Variants in AJAP1 observed in about 807,000 individuals in gnomAD.
The protein encoded by AJAP1 is adherens junctions associated protein 1.
A neutral mutation model predicts 35.0 loss-of-function variants in AJAP1; 5 were observed. The observed-to-expected ratio is 0.14, with a 90% CI of 0.07 to 0.30. The LOEUF is 0.30. Among genes scored for constraint, AJAP1 ranks in the 10% least tolerant of loss-of-function variants. The probability of loss-of-function intolerance (pLI) is 1.00; values close to 1 mark genes in which losing one functional copy is unlikely to be tolerated. For synonymous variants in AJAP1, 284 were observed against 249.3 expected (o/e 1.14, Z -1.31); for missense variants, 586 against 571.0 (o/e 1.03, Z -0.27).
chr1:4,688,349 A>G (rs990093276), intron 1 of AJAP1, among the ~76,000 whole-genome samples: 4 of 152,326 alleles, frequency 2.6e-5, no homozygotes, highest in Admixed American at 2.0e-4. Flanking sequence ...GTGAAATGCA[A>G]CCTGTGAGAA....
intron 2 of AJAP1, among the ~76,000 whole-genome samples, chr1:4,726,089 C>T (rs930531722): frequency 2.0e-5 from 3 of 152,134 alleles, no homozygotes; most frequent in Admixed American, 1.3e-4. Context: ...GGAGTCCTTG[C>T]GGGATGGGGG....
At chr1:4,735,088 G>A (rs540718423) in intron 2 of AJAP1, among the ~76,000 whole-genome samples, 7 of 152,326 alleles carry the variant, frequency 4.6e-5, no homozygotes, top group South Asian at 2.1e-4. Flanking sequence ...ATAGAGGGCC[G>A]GGTAGAGGGG....
At chr1:4,772,795 T>C (rs537500791) in intron 4 of AJAP1, among the ~76,000 whole-genome samples, 1 of 152,206 alleles carries the variant, frequency 6.6e-6, no homozygotes, top group African/African-American at 2.4e-5. Context: ...ATGCATAGTC[T>C]CCCAGCCCTC....
At chr1:4,735,227 C>T (rs936458889) in intron 2 of AJAP1, among the ~76,000 whole-genome samples, 1 of 152,220 alleles carries the variant, frequency 6.6e-6, no homozygotes, top group Non-Finnish European at 1.5e-5. Context: ...GAAAAGCATA[C>T]TGGGCTGAAG....
intron 2 of AJAP1, among the ~76,000 whole-genome samples, chr1:4,724,344 A>T (rs901979729): frequency 1.2e-4 from 19 of 152,190 alleles, no homozygotes; most frequent in African/African-American, 4.6e-4. Context: ...ACCTAGTCCC[A>T]CCTATGGCCC....
At chr1:4,708,903 A>G (rs1268172179) in intron 1 of AJAP1, among the ~76,000 whole-genome samples, 2 of 152,168 alleles carry the variant, frequency 1.3e-5, no homozygotes, top group East Asian at 3.9e-4. Flanking sequence ...CTCTCTGAAC[A>G]AATCAATCAC....
Position 4,712,175 on chromosome 1 carries a change from A to C in AJAP1, c.305A>C (p.His102Pro). 1 of 1,565,174 alleles carries C rather than the reference A, an allele frequency of 6.4e-7. No individual in the cohort carries two copies. Among genetic ancestry groups the C allele is most frequent in the Non-Finnish European group, 8.6e-7 (1 of 1,161,860 alleles). ...CAGATGCCTCGAGCCAGACGGGCCC[A>C]CAGGCCCCGGGACCAGGCGGCCGCC... is the stretch of plus-strand genomic sequence containing the variant. Reference protein sequence around the residue: ...QMQMPRARRAHRPRDQAAALV... With the variant: ...QMQMPRARRAPRPRDQAAALV... Residue 102 changes from histidine to proline, a missense_variant, in exon 2 of 6, where the codon CAC becomes CCC. By Grantham distance (77) the His-to-Pro change is moderately conservative. Coordinates refer to ENST00000378191, the MANE Select transcript of AJAP1 (RefSeq NM_018836.4).
At position 4,712,680 on chromosome 1, in the gene AJAP1, G is replaced by T. The variant is rs1269341413; in HGVS notation, c.810G>T (p.Arg270Ser). ...ACGGGGAAGTCACCCAGCCCCCAAG[G>T]ATTCTGGGGGAGGCCTCAGGTACAG... ...SNNGEVTQPP[R>S]ILGEASGLAV... The change falls in exon 2 of 6, where the codon AGG (arginine) becomes AGT (serine). Residue 270 changes from arginine (R) to serine (S), a missense_variant. Coordinates refer to ENST00000378191, the MANE Select transcript of AJAP1 (RefSeq NM_018836.4). The T allele has an allele frequency of 2.6e-6, 4 of 1,513,272 alleles. No individual in the cohort carries two copies. In the African/African-American group the frequency reaches 4.2e-5, roughly 16 times the overall value. 93.7% of individuals were successfully genotyped at this position (1,513,272 alleles called of 1,614,324 possible). A position where few individuals can be genotyped will look rare whatever the true frequency, so the allele number is the denominator to read the frequency against.
chr1:4,730,500 A>G (rs1368062055), intron 2 of AJAP1, among the ~76,000 whole-genome samples: 3 of 152,124 alleles, frequency 2.0e-5, no homozygotes, highest in African/African-American at 7.2e-5. Context: ...CAACAACACA[A>G]GCCGCTGCCT....
rs1042461817 is a variant in AJAP1, at chr1:4,791,514, A to C, written c.*9029A>C. 6.6e-6 allele frequency: 1 copy of C among 152,234 alleles called. No homozygotes were observed. Among genetic ancestry groups the C allele is most frequent in the Non-Finnish European group, 1.5e-5 (1 of 68,044 alleles). The allele number at this position is 152,234 out of a possible 1,614,324, so 9.4% of individuals were successfully genotyped here. On this transcript the variant is annotated 3_prime_UTR_variant, in exon 6 of 6. Transcript: ENST00000378191. ...TAGCACCAGGGACAAGTCTGGCTCT[A>C]ATGTATGTTTTATGAAGTCTGATTA...
chr1:4,710,198 ACT>A (rs1400323309), intron 1 of AJAP1, among the ~76,000 whole-genome samples: 12 of 152,070 alleles, frequency 7.9e-5, no homozygotes. Flanking sequence ...GCACAGATAC[ACT>A]CATACACACT....
chr1:4,712,855 C>T (rs1640297414), intron 2 of AJAP1, among the ~76,000 whole-genome samples, 156 bp downstream of exon 2: 1 of 152,186 alleles, frequency 6.6e-6, no homozygotes, highest in South Asian at 2.1e-4. Flanking sequence ...TGCCTGTAGA[C>T]TGGCAAATAC....
intron 1 of AJAP1, among the ~76,000 whole-genome samples, chr1:4,691,944 G>A (rs1349272822): frequency 6.6e-6 from 1 of 152,088 alleles, no homozygotes; most frequent in Non-Finnish European, 1.5e-5. Context: ...AGGGACAAGG[G>A]TCTCCAGGGC....
At chr1:4,660,629 C>T (rs1638980807) in intron 1 of AJAP1, among the ~76,000 whole-genome samples, 1 of 152,000 alleles carries the variant, frequency 6.6e-6, no homozygotes, top group Non-Finnish European at 1.5e-5. Flanking sequence ...CAAGCATGGG[C>T]ACACGTGTGT....
At chr1:4,669,736 G>A (rs1259651867) in intron 1 of AJAP1, among the ~76,000 whole-genome samples, 1 of 152,174 alleles carries the variant, frequency 6.6e-6, no homozygotes, top group African/African-American at 2.4e-5. Context: ...ATTGTAGCGT[G>A]CATCAGTACT....
intron 1 of AJAP1, among the ~76,000 whole-genome samples, chr1:4,661,461 G>A (rs936249798): frequency 1.3e-5 from 2 of 152,206 alleles, no homozygotes; most frequent in Non-Finnish European, 2.9e-5. Context: ...GCACAGAGAG[G>A]TTAGGTAATT....
At chr1:4,676,206 TCTTAGTC>T (rs925523723) in intron 1 of AJAP1, among the ~76,000 whole-genome samples, 1 of 152,140 alleles carries the variant, frequency 6.6e-6, no homozygotes, top group Non-Finnish European at 1.5e-5. Context: ...GGGGCTAGTG[TCTTAGTC>T]ACGCTCCTCC....
chr1:4,768,165 C>A (rs1162296095), intron 2 of AJAP1, among the ~76,000 whole-genome samples: 8 of 152,218 alleles, frequency 5.3e-5, no homozygotes, highest in Non-Finnish European at 1.2e-4. Flanking sequence ...GAATGCAGCA[C>A]CTTTATTCAG....
intron 2 of AJAP1, among the ~76,000 whole-genome samples, chr1:4,760,362 T>C (rs907745672): frequency 1.3e-5 from 2 of 152,048 alleles, no homozygotes; most frequent in Admixed American, 1.3e-4. Context: ...TGAGTGTGTG[T>C]GCATGTGTGT....
Sources: gnomAD v4.1 joint callset for allele counts (sites outside exome capture counted in the v4.1 genomes callset) on GRCh38, gnomAD v4.1.1 for gene constraint, MANE v1.5 for transcripts, NCBI Gene and HGNC (gene_info 2026-07-23, HGNC 2026-07-21) for gene names.